Variants in LRRC20 observed in about 807,000 individuals in gnomAD.
LRRC20 encodes the protein leucine rich repeat containing 20.
LRRC20 carries 11 observed loss-of-function variants against 14.4 expected under a neutral mutation model. The ratio of observed to expected loss-of-function variants is 0.77; its 90% CI spans 0.48 to 1.27. The LOEUF is 1.27. Among genes scored for constraint, LRRC20 ranks in the 50% most tolerant of loss-of-function variants. The pLI, the probability that LRRC20 is intolerant of heterozygous loss-of-function variation, is 0.00. For synonymous variants in LRRC20, 121 were observed against 107.3 expected (o/e 1.13, Z -0.79); for missense variants, 219 against 251.2 (o/e 0.87, Z 0.87).
chr10:70,340,749 C>T, intron 2 of LRRC20, 47 bp from the exon 3 acceptor site: 1 of 1,605,174 alleles, frequency 6.2e-7, no homozygotes, highest in Non-Finnish European at 8.5e-7. Context: ...GCCACAGCTG[C>T]CCGAGAACTT....
At chr10:70,378,175 T>C (rs940948090) in intron 1 of LRRC20, among the ~76,000 whole-genome samples, 2 of 152,220 alleles carry the variant, frequency 1.3e-5, no homozygotes, top group Non-Finnish European at 2.9e-5. Flanking sequence ...TTAATACTCA[T>C]GTGAGTCTGA....
intron 2 of LRRC20, among the ~76,000 whole-genome samples, chr10:70,361,550 AT>A (rs1193439467): frequency 6.6e-6 from 1 of 152,236 alleles, no homozygotes; most frequent in Non-Finnish European, 1.5e-5. Context: ...AAAGGATAAG[AT>A]CTGAGAGGTA....
rs1404842978 is a variant in LRRC20 at position 70,301,347 on chromosome 10, G to C, written c.*7C>G. 8 of 1,610,844 alleles carry C rather than the reference G, an allele frequency of 5.0e-6. No individual in the cohort carries two copies. The highest frequency in any genetic ancestry group is 4.5e-5 in the East Asian group (2 of 44,886). On this transcript the variant is annotated 3_prime_UTR_variant, in exon 5 of 5. Transcript: ENST00000446961. ...GCCCCTTGCTGGGTGGGCATGAGGA[G>C]GGTGGCCTAAGGTAGGGGGGCTCTT...
intron 2 of LRRC20, among the ~76,000 whole-genome samples, chr10:70,369,219 A>AG (rs1461246944): frequency 3.3e-5 from 5 of 152,290 alleles, no homozygotes; most frequent in African/African-American, 1.2e-4. Context: ...GGGTGGGAGA[A>AG]GGCGGGAAGA....
chr10:70,305,683 T>C (rs1201493103), intron 4 of LRRC20, among the ~76,000 whole-genome samples: 3 of 152,184 alleles, frequency 2.0e-5, no homozygotes, highest in Non-Finnish European at 4.4e-5. Context: ...GTATAAAATG[T>C]TGCAAAACTA....
In LRRC20 at chr10:70,355,314, C is replaced by A. The variant is rs545275160; in HGVS notation, c.83-14612G>T. The stretch of plus-strand genomic sequence containing the variant: ...CCGGACTTGCTCCCTCTTGACAAAT[C>A]CCCTCCCCCAGGGACAACCACTTTC... On this transcript the variant is annotated intron_variant, in intron 2 of 4. Coordinates refer to ENST00000446961, the MANE Select transcript of LRRC20 (RefSeq NM_001278212.2). Among the ~76,000 whole-genome samples, 26 of 152,312 alleles carry A rather than the reference C, an allele frequency of 1.7e-4. 1 individual carries two copies. Among genetic ancestry groups the A allele is most frequent in the African/African-American group, 6.0e-4 (25 of 41,560 alleles).
intron 4 of LRRC20, among the ~76,000 whole-genome samples, chr10:70,322,113 C>A (rs373218278): frequency 4.5e-5 from 2 of 44,260 alleles, no homozygotes. Flanking sequence ...CCAGTCGACC[C>A]GCTCCCTTAT....
intron 2 of LRRC20, among the ~76,000 whole-genome samples, chr10:70,367,999 T>TATGTTATGTTATGTTATGTTATGCTA (rs1403701408): frequency 6.9e-6 from 1 of 145,942 alleles, no homozygotes; most frequent in African/African-American, 2.5e-5. Flanking sequence ...TATGTTATTT[T>TATGTTATGTTATGTTATGTTATGCTA]TTGAGATGGA....
chr10:70,303,600 A>G (rs1841296451), intron 4 of LRRC20, among the ~76,000 whole-genome samples: 1 of 152,220 alleles, frequency 6.6e-6, no homozygotes, highest in Non-Finnish European at 1.5e-5. Context: ...ATACTAGGGC[A>G]TTTTCCAACA....
At chr10:70,311,249 G>C (rs1245136351) in intron 4 of LRRC20, among the ~76,000 whole-genome samples, 1 of 94,512 alleles carries the variant, frequency 1.1e-5, no homozygotes, top group Admixed American at 1.3e-4. Flanking sequence ...TTTTTTTTGA[G>C]ACAGAGTCTT....
At chr10:70,305,853 G>C (rs1380815089) in intron 4 of LRRC20, among the ~76,000 whole-genome samples, 1 of 150,870 alleles carries the variant, frequency 6.6e-6, no homozygotes, top group Non-Finnish European at 1.5e-5. Context: ...CCATTCTCCT[G>C]CCTCAGCCTC....
chr10:70,354,522 C>A (rs777705621), intron 2 of LRRC20, among the ~76,000 whole-genome samples: 3 of 152,210 alleles, frequency 2.0e-5, no homozygotes, highest in Non-Finnish European at 4.4e-5. Context: ...CCCAGTCCCA[C>A]AGAATCAGAA....
intron 2 of LRRC20, among the ~76,000 whole-genome samples, chr10:70,343,193 T>C (rs1037005219): frequency 3.9e-5 from 6 of 152,184 alleles, no homozygotes; most frequent in African/African-American, 1.2e-4. Flanking sequence ...CCTCATATAA[T>C]GCGAACAAGA....
At chr10:70,310,548 C>A (rs537075179) in intron 4 of LRRC20, among the ~76,000 whole-genome samples, 1 of 152,348 alleles carries the variant, frequency 6.6e-6, no homozygotes, top group South Asian at 2.1e-4. Flanking sequence ...ACACTCGTAT[C>A]ATGCACCATG....
chr10:70,303,721 T>C (rs1027941044), intron 4 of LRRC20, among the ~76,000 whole-genome samples: 1 of 152,226 alleles, frequency 6.6e-6, no homozygotes, highest in Non-Finnish European at 1.5e-5. Context: ...CCTAGTGTCA[T>C]AGACATGAAA....
intron 2 of LRRC20, among the ~76,000 whole-genome samples, chr10:70,365,310 G>A (rs1270951541): frequency 2.0e-5 from 3 of 152,058 alleles, no homozygotes; most frequent in African/African-American, 7.2e-5. Context: ...CACCCACCTC[G>A]GCCTCCCAAA....
At chr10:70,346,122 G>A (rs1215035019) in intron 2 of LRRC20, among the ~76,000 whole-genome samples, 3 of 152,100 alleles carry the variant, frequency 2.0e-5, no homozygotes, top group Middle Eastern at 3.2e-3. Flanking sequence ...GTGTGGTGAC[G>A]GGCGCTTGTA....
At chr10:70,333,871 C>G (rs975194651) in intron 3 of LRRC20, among the ~76,000 whole-genome samples, 1 of 152,126 alleles carries the variant, frequency 6.6e-6, no homozygotes, top group African/African-American at 2.4e-5. Context: ...TGTTTCTGGC[C>G]GGGTGCTGTG....
At chr10:70,325,926 A>G (rs749341024) in intron 3 of LRRC20, among the ~76,000 whole-genome samples, 13 of 152,188 alleles carry the variant, frequency 8.5e-5, no homozygotes, top group Non-Finnish European at 1.8e-4. Context: ...CATGATTTTA[A>G]TGCTCTCATA....
Sources: allele counts gnomAD v4.1 joint callset (sites outside exome capture counted in the v4.1 genomes callset), GRCh38; gene constraint gnomAD v4.1.1; transcripts MANE v1.5; gene names NCBI Gene and HGNC (gene_info 2026-07-23, HGNC 2026-07-21).